The following SLC27A6 variants were observed in gnomAD, a reference collection of about 807,000 sequenced individuals.
SLC27A6 encodes long-chain fatty acid transport protein 6.
A neutral mutation model predicts 63.9 loss-of-function variants in SLC27A6; 74 were observed. The ratio of observed to expected loss-of-function variants is 1.16; its 90% CI spans 0.96 to 1.40. SLC27A6 has a LOEUF of 1.40. SLC27A6 is among the 40% of genes most tolerant of loss of function. SLC27A6 has a pLI of 0.00. For missense variants in SLC27A6, 794 were observed against 732.9 expected, an observed-to-expected ratio of 1.08 and a Z score of -0.96; for synonymous variants, 287 against 260.8, an observed-to-expected ratio of 1.10 and a Z score of -0.97.
chr5:128,988,355 A>G (rs1205684975), intron 2 of SLC27A6, among the ~76,000 whole-genome samples: 1 of 152,208 alleles, frequency 6.6e-6, no homozygotes, highest in Non-Finnish European at 1.5e-5. Context: ...GCCAACGATA[A>G]AATTACATAG....
intron 4 of SLC27A6, among the ~76,000 whole-genome samples, chr5:128,991,471 G>A (rs1750980548): frequency 6.6e-6 from 1 of 152,126 alleles, no homozygotes; most frequent in South Asian, 2.1e-4. Flanking sequence ...TACTGTAGCA[G>A]GATAGGACTG....
intron 4 of SLC27A6, among the ~76,000 whole-genome samples, chr5:128,991,338 C>T (rs934420640): frequency 6.6e-6 from 1 of 152,162 alleles, no homozygotes; most frequent in Non-Finnish European, 1.5e-5. Context: ...AGTCCTGTCT[C>T]TCACCTTCTT....
At chr5:129,022,689 G>A (rs1000622167) in intron 5 of SLC27A6, among the ~76,000 whole-genome samples, 2 of 152,124 alleles carry the variant, frequency 1.3e-5, no homozygotes, top group Non-Finnish European at 2.9e-5. Flanking sequence ...GTTGGGCGAA[G>A]TGGCTCACAC....
chr5:128,997,875 ATAAG>A (rs1489343698), intron 4 of SLC27A6, among the ~76,000 whole-genome samples: 8 of 152,176 alleles, frequency 5.3e-5, no homozygotes, highest in Non-Finnish European at 1.0e-4. Context: ...TTTATATAAA[ATAAG>A]TAACAATACC....
In SLC27A6 at chr5:129,001,706, T is replaced by C. The variant is rs1347899872; in HGVS notation, c.969+11242T>C. On this transcript the variant is annotated intron_variant, in intron 4 of 9. Coordinates refer to ENST00000262462, the MANE Select transcript of SLC27A6 (RefSeq NM_001017372.3). ...TATCAACAAACATTCTTTTGTTTCA[T>C]GAAAAATTAAGGTTGATATAAAATT... 3.9e-5 allele frequency among the ~76,000 whole-genome samples: 6 copies of C among 152,324 alleles called. No homozygotes were observed. In the East Asian group the frequency reaches 1.2e-3, roughly 29 times the overall value.
At chr5:128,970,659 A>G (rs1239573128) in intron 1 of SLC27A6, among the ~76,000 whole-genome samples, 1 of 151,410 alleles carries the variant, frequency 6.6e-6, no homozygotes. Flanking sequence ...TTTCTTCTTT[A>G]TTAGTCTTGC....
rs1561615174 is a variant in SLC27A6, at chr5:128,985,205, C to G, written c.554C>G (p.Ser185Cys). The part of the protein sequence containing the change: ...ENISVWGMKD[S>C]VPQGVISLKE... ...ATCAGTGTTTGGGGGATGAAAGATTCTGTTCCACAAGGTGTAATTTCACTC... is the reference window on the plus strand; with the variant it reads ...ATCAGTGTTTGGGGGATGAAAGATTGTGTTCCACAAGGTGTAATTTCACTC... Residue 185 changes from serine to cysteine, a missense_variant, in exon 2 of 10, where the codon TCT becomes TGT. Transcript: ENST00000262462. 1.2e-6 allele frequency: 2 copies of G among 1,613,832 alleles called. No homozygotes were observed. Among genetic ancestry groups the G allele is most frequent in the Non-Finnish European group, 1.7e-6 (2 of 1,179,790 alleles).
intron 1 of SLC27A6, among the ~76,000 whole-genome samples, chr5:128,968,981 T>A (rs891122304): frequency 1.3e-5 from 2 of 152,366 alleles, no homozygotes; most frequent in Admixed American, 1.3e-4. Flanking sequence ...TTTCTACATA[T>A]GGCTAGCCAG....
chr5:129,014,300 A>G (rs1018328493), intron 4 of SLC27A6, among the ~76,000 whole-genome samples: 1 of 152,218 alleles, frequency 6.6e-6, no homozygotes, highest in Non-Finnish European at 1.5e-5. Flanking sequence ...TCTGAAGAAC[A>G]AAAGGAAAGG....
rs1751223362 is a variant in SLC27A6 at position 128,998,201 on chromosome 5, A to G, written c.969+7737A>G. Among the ~76,000 whole-genome samples, 3 of 151,776 alleles carry G rather than the reference A, an allele frequency of 2.0e-5. No individual in the cohort carries two copies. In the South Asian group the frequency reaches 6.2e-4, roughly 32 times the overall value. Reference sequence around the variant, plus strand: ...ATGCTATGGGGGAGGCTGAGGTGGCAGGATCATTTGCACCCAGGAGTTTGA... The same window carrying G: ...ATGCTATGGGGGAGGCTGAGGTGGCGGGATCATTTGCACCCAGGAGTTTGA... On this transcript the variant is annotated intron_variant, in intron 4 of 9. Transcript: ENST00000262462.
chr5:128,972,334 C>T (rs1166217816), intron 1 of SLC27A6, among the ~76,000 whole-genome samples: 1 of 152,208 alleles, frequency 6.6e-6, no homozygotes, highest in Admixed American at 6.5e-5. Context: ...GTAAGTTCTC[C>T]TGGATAATAT....
chr5:128,978,627 G>A (rs1048538178), intron 1 of SLC27A6, among the ~76,000 whole-genome samples: 1 of 152,074 alleles, frequency 6.6e-6, no homozygotes, highest in Non-Finnish European at 1.5e-5. Flanking sequence ...AAACCTGTTT[G>A]GAATTGCTTC....
chr5:128,966,615 G>A lies in SLC27A6; in HGVS notation c.478G>A (p.Ala160Thr), dbSNP rs1165285288. 6 of 1,514,772 alleles carry A rather than the reference G, an allele frequency of 4.0e-6. No homozygotes were observed. In the South Asian group the frequency reaches 5.3e-5, roughly 13 times the overall value. The allele number at this position is 1,514,772 out of a possible 1,614,324, so 93.8% of individuals were successfully genotyped here. A position where few individuals can be genotyped will look rare whatever the true frequency, so the allele number is the denominator to read the frequency against. The change falls in exon 1 of 10, where the codon GCA becomes ACA. Residue 160 changes from alanine to threonine, a missense_variant. By Grantham distance (58) the Ala-to-Thr change is moderately conservative (BLOSUM62 0). Transcript: ENST00000262462. Reference protein sequence around the residue: ...ACGPRALVVGADLLGTVEEIL... With the variant: ...ACGPRALVVGTDLLGTVEEIL... ...TGGGCCCAGAGCCCTAGTGGTGGGC[G>A]CAGGTAGAGTATGGGGTGTGGTCTG...
At chr5:128,999,146 T>A (rs1448051277) in intron 4 of SLC27A6, among the ~76,000 whole-genome samples, 1 of 152,116 alleles carries the variant, frequency 6.6e-6, no homozygotes, top group Non-Finnish European at 1.5e-5. Context: ...GATAGGATGA[T>A]TAATGAGTTA....
At chr5:128,972,691 C>A (rs1750221385) in intron 1 of SLC27A6, among the ~76,000 whole-genome samples, 1 of 152,136 alleles carries the variant, frequency 6.6e-6, no homozygotes, top group African/African-American at 2.4e-5. Flanking sequence ...AGGTTTTTAG[C>A]TTCTTTGTGA....
intron 1 of SLC27A6, among the ~76,000 whole-genome samples, chr5:128,970,386 C>T (rs542245529): frequency 6.6e-6 from 1 of 152,212 alleles, no homozygotes; most frequent in Non-Finnish European, 1.5e-5. Flanking sequence ...CCCATCTTGT[C>T]CTGCACTTTT....
intron 4 of SLC27A6, among the ~76,000 whole-genome samples, chr5:128,994,953 C>T (rs957976615): frequency 6.6e-6 from 1 of 152,198 alleles, no homozygotes; most frequent in Non-Finnish European, 1.5e-5. Flanking sequence ...TTCTTTAAAA[C>T]TGCTGGCAGC....
intron 1 of SLC27A6, among the ~76,000 whole-genome samples, chr5:128,976,065 C>A (rs1750366383): frequency 6.6e-6 from 1 of 151,638 alleles, no homozygotes; most frequent in South Asian, 2.1e-4. Context: ...AAAAGCCAAA[C>A]AGTCTATTCT....
chr5:128,968,246 G>A (rs1385621339), intron 1 of SLC27A6, among the ~76,000 whole-genome samples: 5 of 152,132 alleles, frequency 3.3e-5, no homozygotes, highest in African/African-American at 9.7e-5. Flanking sequence ...CTTTATAGAG[G>A]CATGATTTAG....
Sources: gnomAD v4.1 joint callset for allele counts (sites outside exome capture counted in the v4.1 genomes callset) on GRCh38, gnomAD v4.1.1 for gene constraint, MANE v1.5 for transcripts, NCBI Gene and HGNC (gene_info 2026-07-23, HGNC 2026-07-21) for gene names.